Variants in NDRG4 observed in about 807,000 individuals in gnomAD.
NDRG4 encodes the protein NDRG family member 4.
NDRG4 carries 38 observed loss-of-function variants against 55.8 expected under a neutral mutation model. The observed-to-expected ratio is 0.68, with a 90% CI of 0.53 to 0.89. The LOEUF (loss-of-function observed/expected upper bound fraction) is 0.89, where lower values mean the gene tolerates loss of function less well. NDRG4 is among the 40% of genes least tolerant of loss of function. The pLI is 0.00. For missense variants in NDRG4, 455 were observed against 468.6 expected (o/e 0.97, Z 0.27); for synonymous variants, 190 against 182.7 (o/e 1.04, Z -0.32).
At chr16:58,494,890 T>C in intron 2 of NDRG4, 1 of 1,283,914 alleles carries the variant, frequency 7.8e-7, no homozygotes, top group Non-Finnish European at 1.1e-6. Flanking sequence ...AGAAATTGAG[T>C]CTGCTAAGGC....
Position 58,464,435 on chromosome 16 carries a change from A to T in NDRG4, c.-24+638A>T. 3 of 1,363,266 alleles carry T rather than the reference A, an allele frequency of 2.2e-6. No individual in the cohort carries two copies. The highest frequency in any genetic ancestry group is 2.8e-6 in the Non-Finnish European group (3 of 1,060,622). 84.4% of individuals were successfully genotyped at this position (1,363,266 alleles called of 1,614,324 possible). On this transcript the variant is annotated intron_variant, in intron 1 of 15. Transcript: ENST00000258187. The surrounding 1 kb of genome is among the most constrained non-coding windows in gnomAD (Gnocchi z 4.8). Reference sequence around the variant, plus strand: ...CGGGCCGCGCCGGGCGCCGAGATGAAGGTGCTGGGACACCGGCTGGAGCTG... The same window carrying T: ...CGGGCCGCGCCGGGCGCCGAGATGATGGTGCTGGGACACCGGCTGGAGCTG...
chr16:58,470,906 C>CAAAAAAAAAAA (rs142300769), intron 1 of NDRG4, among the ~76,000 whole-genome samples: 1 of 79,776 alleles, frequency 1.3e-5, no homozygotes, highest in Non-Finnish European at 2.2e-5. Flanking sequence ...GACACCATCT[C>CAAAAAAAAAAA]CAAAAAAAAA....
In NDRG4 at chr16:58,492,815, A is replaced by G. The variant is rs534028180; in HGVS notation, c.73-2149A>G. Among the ~76,000 whole-genome samples, 110 of 151,984 alleles carry G rather than the reference A, an allele frequency of 7.2e-4. 1 individual carries two copies. The highest frequency in any genetic ancestry group is 5.0e-4 in the Non-Finnish European group (34 of 67,972). On this transcript the variant is annotated intron_variant, in intron 2 of 15. Coordinates refer to the NDRG4 transcript ENST00000258187. Reference sequence around the variant, plus strand: ...TAGACATCTCCCCTTCCTTCTCCTCAGCCCGCTTGTGCAAGGTCTTTGAGT... The same window carrying G: ...TAGACATCTCCCCTTCCTTCTCCTCGGCCCGCTTGTGCAAGGTCTTTGAGT...
At chr16:58,487,837 A>G (rs2151682938) in exon 2 of NDRG4, 3 of 1,541,372 alleles carry the variant, frequency 1.9e-6, no homozygotes, top group Non-Finnish European at 2.6e-6. Context: ...CGGGGCCAGG[A>G]CGCCACCGAG....
At chr16:58,466,236 G>C (rs889924043) in intron 1 of NDRG4, among the ~76,000 whole-genome samples, 1 of 152,150 alleles carries the variant, frequency 6.6e-6, no homozygotes, top group Non-Finnish European at 1.5e-5. Context: ...GGCTGGTCTC[G>C]AACTTCTGAC....
intron 2 of NDRG4, among the ~76,000 whole-genome samples, chr16:58,489,617 C>T (rs1221223507): frequency 2.0e-5 from 3 of 151,930 alleles, no homozygotes; most frequent in South Asian, 2.1e-4. Flanking sequence ...TTGTGTCTGC[C>T]CCGCCCCGCA....
chr16:58,473,982 C>T (rs897134287), intron 1 of NDRG4, among the ~76,000 whole-genome samples: 2 of 151,248 alleles, frequency 1.3e-5, no homozygotes, highest in Non-Finnish European at 2.9e-5. Flanking sequence ...CCTCCTGGCT[C>T]ACTCTGCTCC....
At chr16:58,466,319 A>G (rs879034796) in intron 1 of NDRG4, among the ~76,000 whole-genome samples, 7 of 152,142 alleles carry the variant, frequency 4.6e-5, no homozygotes, top group South Asian at 2.1e-4. Context: ...CCCAGCCCCC[A>G]CCATGGGTTT....
chr16:58,507,847 C>T lies in NDRG4; in HGVS notation c.660C>T (p.Pro220=), dbSNP rs1214661412. The stretch of plus-strand genomic sequence containing the variant: ...ACATTAACCGGCCTGGAACGGTGCC[C>T]AATGCCAAGACGCTCCGGTGAGTGG... ...DLDINRPGTV[P]NAKTLRCPVM... Residue 220 remains proline (P), a synonymous_variant, in exon 9 of 15, where the codon CCC becomes CCT. Transcript: ENST00000570248. The T allele has an allele frequency of 3.1e-6, 5 of 1,614,036 alleles. No individual in the cohort carries two copies. The highest frequency in any genetic ancestry group is 3.3e-5 in the Admixed American group (2 of 60,024).
intron 1 of NDRG4, among the ~76,000 whole-genome samples, chr16:58,483,739 C>T (rs527971372): frequency 2.6e-5 from 4 of 152,310 alleles, no homozygotes; most frequent in African/African-American, 9.6e-5. Context: ...GATTTTTGTT[C>T]CATTCAAATA....
At chr16:58,470,235 AAATT>A in intron 1 of NDRG4, among the ~76,000 whole-genome samples, 1 of 152,358 alleles carries the variant, frequency 6.6e-6, no homozygotes, top group East Asian at 1.9e-4. Flanking sequence ...AAAAAACTAA[AAATT>A]AATGCAAAGC....
At position 58,504,857 on chromosome 16, in the gene NDRG4, T is replaced by C. The variant is rs2037649788; in HGVS notation, c.372+208T>C. The C allele has an allele frequency of 5.1e-6, 3 of 589,962 alleles. No individual in the cohort carries two copies. The East Asian group carries it at 8.5e-5, about 17-fold the overall frequency. The allele number at this position is 589,962 out of a possible 1,614,324, so 36.5% of individuals were successfully genotyped here. ...TTTAAAAAAGAGGTTCCTTTCTCCA[T>C]ATAGTTTTCTCAAGAGACTAGAAAC... On this transcript the variant is annotated intron_variant, in intron 5 of 14. Transcript: ENST00000570248.
chr16:58,500,417 C>T (rs1015339096), intron 1 of NDRG4, 148 bp downstream of exon 1: 7 of 1,064,492 alleles, frequency 6.6e-6, no homozygotes, highest in Admixed American at 2.7e-5. Flanking sequence ...TGAGACACGG[C>T]CAGAGTGCTC....
chr16:58,502,437 A>G (rs2037292184), intron 1 of NDRG4, among the ~76,000 whole-genome samples: 1 of 152,178 alleles, frequency 6.6e-6, no homozygotes, highest in South Asian at 2.1e-4. Context: ...AAGGGCCTGC[A>G]AGTCAAAGAG....
chr16:58,496,007 C>T (rs1567600427), upstream of NDRG4, among the ~76,000 whole-genome samples: 1 of 152,174 alleles, frequency 6.6e-6, no homozygotes, highest in Non-Finnish European at 1.5e-5. Context: ...TTTCTTTGTC[C>T]TCCATGCTGC....
intron 1 of NDRG4, among the ~76,000 whole-genome samples, chr16:58,481,081 A>G (rs1013491): frequency 0.66 from 100,275 of 151,716 alleles, 36,951 homozygotes; most frequent in Non-Finnish European, 0.83. Flanking sequence ...TCATGGGTTC[A>G]AATCCAGGTT....
intron 8 of NDRG4, 21 bp downstream of exon 8, chr16:58,507,036 C>T (rs372840921): frequency 6.3e-7 from 1 of 1,596,422 alleles, no homozygotes; most frequent in African/African-American, 1.3e-5. Context: ...GATCAGCAGC[C>T]CTGGGACCCA....
chr16:58,509,432 G>A, intron 13 of NDRG4, 80 bp downstream of exon 13: 1 of 1,470,362 alleles, frequency 6.8e-7, no homozygotes, highest in Non-Finnish European at 9.4e-7. Flanking sequence ...CCTGTTTGCA[G>A]GGCTGGCACG....
chr16:58,493,005 C>G (rs1269656638), intron 2 of NDRG4, among the ~76,000 whole-genome samples: 1 of 152,160 alleles, frequency 6.6e-6, no homozygotes, highest in Non-Finnish European at 1.5e-5. Flanking sequence ...GCAGGCAGCC[C>G]AAAGCCTGGC....
Sources: allele counts gnomAD v4.1 joint callset (sites outside exome capture counted in the v4.1 genomes callset), GRCh38; gene constraint gnomAD v4.1.1; non-coding constraint Gnocchi (gnomAD v3.1); transcripts MANE v1.5; gene names NCBI Gene and HGNC (gene_info 2026-07-23, HGNC 2026-07-21).